KLF12: variants seen among roughly 807,000 people sequenced by gnomAD.
KLF12 encodes the protein Krueppel-like factor 12.
KLF12 carries 9 observed loss-of-function variants against 37.8 expected under a neutral mutation model. The observed-to-expected ratio is 0.24, with a 90% confidence interval of 0.14 to 0.42. The LOEUF is 0.42. Among genes scored for constraint, KLF12 ranks in the 10% least tolerant of loss-of-function variants. The probability of loss-of-function intolerance (pLI) is 1.00; values close to 1 mark genes in which losing one functional copy is unlikely to be tolerated. For missense variants in KLF12, 411 were observed against 516.0 expected (o/e 0.80, Z 1.97); for synonymous variants, 208 against 202.1 (o/e 1.03, Z -0.25).
intron 1 of KLF12, among the ~76,000 whole-genome samples, chr13:74,047,553 A>T (rs1893579397): frequency 6.6e-6 from 1 of 151,748 alleles, no homozygotes; most frequent in African/African-American, 2.4e-5. Context: ...GCCGAGATCC[A>T]GCCACTGCAT....
chr13:74,243,695 C>G, the KLF12 span, among the ~76,000 whole-genome samples: 3 of 152,250 alleles, frequency 2.0e-5, no homozygotes, highest in Non-Finnish European at 4.4e-5. Context: ...TTGCGTTTCT[C>G]TAATGACTAA....
At position 74,059,997 on chromosome 13, in the gene KLF12, C is replaced by T. The variant is rs546845022; in HGVS notation, c.-31-64944G>A. ...TGCACAAAGCCAGCCATTTTCCTAG[C>T]ACCATTTGTTGAATAGAGTGCCACT... On this transcript the variant is annotated intron_variant, in intron 1 of 7. Coordinates refer to ENST00000377669, the MANE Select transcript of KLF12 (RefSeq NM_007249.5). Among the ~76,000 whole-genome samples the T allele has an allele frequency of 1.0e-3, 152 of 152,300 alleles. 1 individual carries two copies. The highest frequency in any genetic ancestry group is 3.6e-3 in the African/African-American group (151 of 41,564).
the KLF12 span, among the ~76,000 whole-genome samples, chr13:74,270,283 AT>A: frequency 6.6e-6 from 1 of 152,194 alleles, no homozygotes; most frequent in Non-Finnish European, 1.5e-5. Context: ...TGGGCTGGCC[AT>A]GTCAAAAAGA....
the KLF12 span, among the ~76,000 whole-genome samples, chr13:74,158,304 G>T: frequency 6.6e-6 from 1 of 152,104 alleles, no homozygotes; most frequent in Non-Finnish European, 1.5e-5. Flanking sequence ...GGGACTTAAA[G>T]GGGGGTGTAA....
chr13:74,160,899 A>C, the KLF12 span, among the ~76,000 whole-genome samples: 1 of 152,160 alleles, frequency 6.6e-6, no homozygotes, highest in African/African-American at 2.4e-5. Context: ...AGATGGGAAT[A>C]GGTCCTCTTC....
intron 4 of KLF12, among the ~76,000 whole-genome samples, chr13:73,816,025 T>G (rs942449820): frequency 6.6e-6 from 1 of 152,246 alleles, no homozygotes; most frequent in Non-Finnish European, 1.5e-5. Context: ...ATAAATATTA[T>G]GAAATACATC....
chr13:74,072,925 C>T (rs1874358455), intron 1 of KLF12, among the ~76,000 whole-genome samples: 2 of 152,124 alleles, frequency 1.3e-5, no homozygotes, highest in African/African-American at 2.4e-5. Context: ...ACTATAGTTC[C>T]CATGATCCCC....
chr13:73,714,415 T>C (rs1461149666), intron 7 of KLF12, among the ~76,000 whole-genome samples: 1 of 152,234 alleles, frequency 6.6e-6, no homozygotes, highest in Non-Finnish European at 1.5e-5. Flanking sequence ...ATGTCTGAGA[T>C]GGGAATCTGT....
At chr13:74,066,349 G>A (rs1318869838) in intron 1 of KLF12, among the ~76,000 whole-genome samples, 3 of 152,036 alleles carry the variant, frequency 2.0e-5, no homozygotes, top group Non-Finnish European at 4.4e-5. Flanking sequence ...TTACCAACTC[G>A]TAAATACATT....
At chr13:74,095,716 T>TTA (rs2138843281) in intron 1 of KLF12, among the ~76,000 whole-genome samples, 1 of 152,352 alleles carries the variant, frequency 6.6e-6, no homozygotes, top group East Asian at 1.9e-4. Context: ...AGAGAAATGT[T>TTA]TATGTGTGGC....
chr13:73,713,338 C>T (rs925401364), intron 7 of KLF12, among the ~76,000 whole-genome samples: 1 of 152,134 alleles, frequency 6.6e-6, no homozygotes, highest in African/African-American at 2.4e-5. Flanking sequence ...TATGCGGCCA[C>T]TCAGAGCATT....
chr13:74,209,124 A>G, the KLF12 span, among the ~76,000 whole-genome samples: 1 of 152,110 alleles, frequency 6.6e-6, no homozygotes, highest in African/African-American at 2.4e-5. Flanking sequence ...TCACATAGAC[A>G]AGCATATTAA....
chr13:74,057,049 CAG>C (rs999669660), intron 1 of KLF12, among the ~76,000 whole-genome samples: 1 of 152,162 alleles, frequency 6.6e-6, no homozygotes, highest in Non-Finnish European at 1.5e-5. Flanking sequence ...CAGTGAGAGA[CAG>C]AGAGACCAGC....
the KLF12 span, among the ~76,000 whole-genome samples, chr13:74,229,650 A>T: frequency 6.6e-6 from 1 of 152,186 alleles, no homozygotes; most frequent in Non-Finnish European, 1.5e-5. Flanking sequence ...TACTTCTTTT[A>T]GGTTGGAAAA....
chr13:74,019,008 GTGTA>G (rs1892772048), intron 1 of KLF12, among the ~76,000 whole-genome samples: 2 of 152,104 alleles, frequency 1.3e-5, no homozygotes, highest in Admixed American at 6.5e-5. Context: ...TACAAAAACT[GTGTA>G]TGTATTTTTT....
At chr13:73,743,985 T>C (rs1412794449) in intron 6 of KLF12, among the ~76,000 whole-genome samples, 1 of 152,202 alleles carries the variant, frequency 6.6e-6, no homozygotes, top group African/African-American at 2.4e-5. Context: ...TGAGAAGTAC[T>C]TGCAAGAACT....
chr13:73,699,736 T>C (rs1405146271), intron 7 of KLF12, among the ~76,000 whole-genome samples: 1 of 152,142 alleles, frequency 6.6e-6, no homozygotes, highest in Non-Finnish European at 1.5e-5. Flanking sequence ...AAGTAGAAGC[T>C]GAGATGTTTG....
At chr13:73,985,034 CCA>C (rs1234207281) in intron 2 of KLF12, among the ~76,000 whole-genome samples, 1 of 143,596 alleles carries the variant, frequency 7.0e-6, no homozygotes, top group African/African-American at 2.5e-5. Context: ...TGTTATCCCC[CCA>C]CCCACCTTCC....
rs538369215 is a variant in KLF12 at position 74,013,892 on chromosome 13, C to A, written c.-31-18839G>T. Among the ~76,000 whole-genome samples, 9 of 151,502 alleles carry A rather than the reference C, an allele frequency of 5.9e-5. No individual in the cohort carries two copies. In the South Asian group the frequency reaches 1.9e-3, roughly 32 times the overall value. ...AGAGATGAGGTCTATGTTGCCCAGG[C>A]TAGTCTTGAACTCCTGGGCTCAAGG... On this transcript the variant is annotated intron_variant, in intron 1 of 7. Coordinates refer to ENST00000377669, the MANE Select transcript of KLF12 (RefSeq NM_007249.5).
Sources: allele counts gnomAD v4.1 joint callset (sites outside exome capture counted in the v4.1 genomes callset), GRCh38; gene constraint gnomAD v4.1.1; transcripts MANE v1.5; gene names NCBI Gene and HGNC (gene_info 2026-07-23, HGNC 2026-07-21).